FBN2: variants seen among roughly 807,000 people sequenced by gnomAD.
The protein encoded by FBN2 is fibrillin 2, also known as fibrillin-2.
In FBN2, 105 loss-of-function variants were observed where a neutral mutation model predicts 355.6. The observed-to-expected ratio is 0.30, with a 90% CI of 0.25 to 0.35. The LOEUF (loss-of-function observed/expected upper bound fraction) is 0.35, where lower values mean the gene tolerates loss of function less well. Ranked by LOEUF, FBN2 falls within the 10% of genes least tolerant of loss-of-function variation. FBN2 has a pLI of 1.00. For synonymous variants in FBN2, 1,350 were observed against 1,301.2 expected (o/e 1.04, Z -0.81); for missense variants, 3,280 against 3,758.7 (o/e 0.87, Z 3.33).
At chr5:128,298,836 T>C (rs1424166501) in intron 48 of FBN2, among the ~76,000 whole-genome samples, 3 of 152,360 alleles carry the variant, frequency 2.0e-5, no homozygotes, top group Admixed American at 6.5e-5. Flanking sequence ...TTCTCTCAGC[T>C]CGTCAAAGTT....
chr5:128,318,842 T>C, intron 35 of FBN2, 37 bp downstream of exon 35: 1 of 1,602,578 alleles, frequency 6.2e-7, no homozygotes, highest in Non-Finnish European at 8.5e-7. Flanking sequence ...CTCATTTCAA[T>C]GAATCAGAAC....
At chr5:128,455,857 C>A (rs374927999) in intron 6 of FBN2, among the ~76,000 whole-genome samples, 1 of 151,908 alleles carries the variant, frequency 6.6e-6, no homozygotes, top group Non-Finnish European at 1.5e-5. Flanking sequence ...AACCCTGGAA[C>A]GTACAGATTA....
At chr5:128,455,924 C>T (rs577982535) in intron 6 of FBN2, among the ~76,000 whole-genome samples, 1 of 142,066 alleles carries the variant, frequency 7.0e-6, no homozygotes, top group African/African-American at 2.6e-5. Context: ...GGGGTTGTGG[C>T]GACCAGCTCC....
At chr5:128,262,821 T>C (rs994219856) in intron 63 of FBN2, among the ~76,000 whole-genome samples, 1 of 152,196 alleles carries the variant, frequency 6.6e-6, no homozygotes, top group African/African-American at 2.4e-5. Flanking sequence ...ACCACGGCCT[T>C]CCTGGAAGAA....
chr5:128,371,516 C>G (rs1267211079), intron 15 of FBN2, among the ~76,000 whole-genome samples: 5 of 145,404 alleles, frequency 3.4e-5, no homozygotes, highest in East Asian at 4.1e-4. Context: ...TCCATCCTTC[C>G]TTCCTTCCTT....
rs1750624115 is a variant in FBN2, at chr5:128,328,938, C to T, written c.4346-117G>A. On this transcript the variant is annotated intron_variant, in intron 33 of 64. Coordinates refer to ENST00000262464, the MANE Select transcript of FBN2 (RefSeq NM_001999.4). ...TGACTTAATGCTCATTAACATGAAA[C>T]AACAGTTAATCACATTCACTTAAAG... 3.8e-6 allele frequency: 4 copies of T among 1,050,550 alleles called. No individual in the cohort carries two copies. In the South Asian group the frequency reaches 5.2e-5, roughly 14 times the overall value. The allele number at this position is 1,050,550 out of a possible 1,614,324, so 65.1% of individuals were successfully genotyped here. A position where few individuals can be genotyped will look rare whatever the true frequency, so the allele number is the denominator to read the frequency against.
chr5:128,289,686 A>C (rs1036066899), intron 51 of FBN2, among the ~76,000 whole-genome samples, 196 bp downstream of exon 51: 2 of 152,184 alleles, frequency 1.3e-5, no homozygotes, highest in Non-Finnish European at 2.9e-5. Flanking sequence ...TGTCAGAGAA[A>C]TATGTATTTC....
intron 5 of FBN2, among the ~76,000 whole-genome samples, chr5:128,481,896 G>A (rs60571728): frequency 0.057 from 8,684 of 152,084 alleles, 333 homozygotes; most frequent in South Asian, 0.17. Flanking sequence ...CCATTCTTAG[G>A]TAATTACAGA....
chr5:128,460,716 C>T (rs899307234), intron 6 of FBN2, among the ~76,000 whole-genome samples: 1 of 152,118 alleles, frequency 6.6e-6, no homozygotes, highest in African/African-American at 2.4e-5. Flanking sequence ...CATCTAGAAC[C>T]ATCTGATCTT....
chr5:128,412,009 T>C (rs572842501), intron 7 of FBN2, among the ~76,000 whole-genome samples: 130 of 152,332 alleles, frequency 8.5e-4, no homozygotes, highest in Non-Finnish European at 1.7e-3. Context: ...GTGACAAGTC[T>C]GCTCATGGGA....
chr5:128,297,772 G>C (rs1399648088), intron 48 of FBN2, among the ~76,000 whole-genome samples: 2 of 152,018 alleles, frequency 1.3e-5, no homozygotes, highest in African/African-American at 4.8e-5. Context: ...CACACTGATG[G>C]GTCTTGAGTC....
chr5:128,277,808 T>C, intron 58 of FBN2, 72 bp downstream of exon 58: 1 of 1,488,720 alleles, frequency 6.7e-7, no homozygotes, highest in Non-Finnish European at 9.4e-7. Flanking sequence ...ACTCTACTGA[T>C]AATGAGTGAC....
chr5:128,311,509 T>C (rs1396926511), intron 38 of FBN2, 84 bp from the exon 39 acceptor site: 1 of 1,456,856 alleles, frequency 6.9e-7, no homozygotes, highest in South Asian at 1.2e-5. Flanking sequence ...AAGTGTGATC[T>C]TGTAAGAATC....
At chr5:128,451,010 G>A (rs1464570184) in intron 6 of FBN2, among the ~76,000 whole-genome samples, 1 of 152,112 alleles carries the variant, frequency 6.6e-6, no homozygotes, top group African/African-American at 2.4e-5. Flanking sequence ...ATGATGGTCT[G>A]TTTATTTAAC....
rs748919194 is a variant in FBN2 at position 128,350,900 on chromosome 5, G to A, written c.2780C>T (p.Ala927Val). ...ACACCGCTCACAGGGGCTCCCCCAG[G>A]CGGCTCCGAGGGTGGCACAGCATTC... ...KSECCATLGA[A>V]WGSPCERCEL... The change falls in exon 21 of 65, where the codon GCC becomes GTC. Residue 927 changes from alanine to valine, a missense_variant. Transcript: ENST00000262464. 6.2e-7 allele frequency: 1 copy of A among 1,614,020 alleles called. No individual in the cohort carries two copies. The highest frequency in any genetic ancestry group is 1.3e-5 in the African/African-American group (1 of 74,908).
chr5:128,313,520 A>G (rs1285030159), intron 36 of FBN2, among the ~76,000 whole-genome samples: 1 of 152,158 alleles, frequency 6.6e-6, no homozygotes, highest in Non-Finnish European at 1.5e-5. Flanking sequence ...ATTTTCAATA[A>G]AAGGAAATTC....
At chr5:128,338,777 G>A (rs1429922460) in intron 26 of FBN2, among the ~76,000 whole-genome samples, 156 bp downstream of exon 26, 4 of 152,086 alleles carry the variant, frequency 2.6e-5, no homozygotes, top group Non-Finnish European at 5.9e-5. Context: ...ATCCAGGAGC[G>A]CATTTCCTGT....
rs1276412037 is a variant in FBN2 at position 128,336,117 on chromosome 5, T to C, written c.3599-4A>G. On this transcript the variant is annotated splice_polypyrimidine_tract_variant and splice_region_variant and intron_variant, in intron 27 of 64. Transcript: ENST00000262464. Reference sequence around the variant, plus strand: ...CTCAGGGAGCATTCATTAATATCTATAAAAGATACACAGAAGTAATGCTTT... The same window carrying C: ...CTCAGGGAGCATTCATTAATATCTACAAAAGATACACAGAAGTAATGCTTT... 2 of 1,612,988 alleles carry C rather than the reference T, an allele frequency of 1.2e-6. No individual in the cohort carries two copies. Among genetic ancestry groups the C allele is most frequent in the Non-Finnish European group, 1.7e-6 (2 of 1,179,504 alleles).
intron 36 of FBN2, among the ~76,000 whole-genome samples, chr5:128,316,821 T>C (rs1258295651): frequency 6.6e-6 from 1 of 152,206 alleles, no homozygotes; most frequent in Non-Finnish European, 1.5e-5. Flanking sequence ...AGCTGCCTGT[T>C]CACAGCCTTT....
Sources: allele counts gnomAD v4.1 joint callset (sites outside exome capture counted in the v4.1 genomes callset), GRCh38; gene constraint gnomAD v4.1.1; transcripts MANE v1.5; gene names NCBI Gene and HGNC (gene_info 2026-07-23, HGNC 2026-07-21).